The following CUX2 variants were observed in gnomAD, a reference collection of about 807,000 sequenced individuals.
CUX2 encodes cut like homeobox 2.
A neutral mutation model predicts 144.8 loss-of-function variants in CUX2; 40 were observed. The ratio of observed to expected loss-of-function variants is 0.28; its 90% CI spans 0.21 to 0.36. CUX2 has a LOEUF of 0.36. CUX2 is among the 10% of genes least tolerant of loss of function. CUX2 has a pLI of 1.00. For missense variants in CUX2, 1,615 were observed against 1,994.0 expected (o/e 0.81, Z 3.62); for synonymous variants, 827 against 875.6 (o/e 0.94, Z 0.98).
chr12:111,144,942 C>T (rs1003671264), intron 1 of CUX2, among the ~76,000 whole-genome samples: 1 of 152,148 alleles, frequency 6.6e-6, no homozygotes, highest in Admixed American at 6.5e-5. Context: ...CCTGTCCCAC[C>T]GTCTTCCACC....
At chr12:111,215,178 G>C (rs1881463675) in intron 2 of CUX2, among the ~76,000 whole-genome samples, 1 of 152,178 alleles carries the variant, frequency 6.6e-6, no homozygotes, top group Admixed American at 6.5e-5. Context: ...AGGTGTGCTG[G>C]AGGAAGGTGG....
intron 1 of CUX2, among the ~76,000 whole-genome samples, chr12:111,070,387 TC>T (rs1227093664): frequency 1.3e-4 from 13 of 98,520 alleles, no homozygotes; most frequent in African/African-American, 4.7e-4. Flanking sequence ...CTTCCTTCCT[TC>T]CTTCTTTCCT....
At chr12:111,157,759 A>T (rs1877490756) in intron 1 of CUX2, among the ~76,000 whole-genome samples, 1 of 152,222 alleles carries the variant, frequency 6.6e-6, no homozygotes, top group African/African-American at 2.4e-5. Context: ...CTCATAAGTC[A>T]TTCTTAGGTT....
Position 111,347,588 on chromosome 12 carries a change from G to C in CUX2, c.3724G>C (p.Gly1242Arg). The change falls in exon 22 of 22, where the codon GGG becomes CGG. Residue 1242 changes from glycine to arginine, a missense_variant. Physicochemically the swap from Gly to Arg is moderately radical, Grantham distance 125 (BLOSUM62 -2). Around this residue, in one of 12 missense-constraint regions of CUX2, gnomAD observed 298 missense variants for 330.4 expected, o/e 0.90. Transcript: ENST00000261726. ...GGATGAGCCAGACCTTGATCCAAGCGGGGGTCCTGGAATCCTACCGCCAGG... is the reference window on the plus strand; with the variant it reads ...GGATGAGCCAGACCTTGATCCAAGCCGGGGTCCTGGAATCCTACCGCCAGG... Reference protein sequence around the residue: ...TQDEPDLDPSGGPGILPPGHS... With the variant: ...TQDEPDLDPSRGPGILPPGHS... 2 of 1,613,374 alleles carry C rather than the reference G, an allele frequency of 1.2e-6. No homozygotes were observed. Among genetic ancestry groups the C allele is most frequent in the Non-Finnish European group, 1.7e-6 (2 of 1,179,802 alleles).
rs1333519174 is a variant in CUX2 at position 111,308,522 on chromosome 12, C to T, written c.1254C>T (p.Ser418=). ...TGGAGAAGCCCAGCCTCCTGGCCAG[C>T]CCTGGTAGGGGAGGAGGATACTCTG... is the stretch of plus-strand genomic sequence containing the variant. ...FLLEKPSLLA[S]PEEDPSEDDS... The change falls in exon 14 of 22, where the codon AGC becomes AGT. Residue 418 remains serine (S), a synonymous_variant. Coordinates refer to ENST00000261726, the MANE Select transcript of CUX2 (RefSeq NM_015267.4). 1.2e-6 allele frequency: 2 copies of T among 1,609,094 alleles called. No individual in the cohort carries two copies. Among genetic ancestry groups the T allele is most frequent in the Non-Finnish European group, 1.7e-6 (2 of 1,177,742 alleles).
chr12:111,303,677 G>A (rs568697199), intron 9 of CUX2, among the ~76,000 whole-genome samples: 1 of 152,192 alleles, frequency 6.6e-6, no homozygotes, highest in South Asian at 2.1e-4. Context: ...GAGACCCAGG[G>A]AGAGGAAGTG....
rs1456635633 is a variant in CUX2, at chr12:111,312,109, C to T, written c.1910C>T (p.Thr637Ile). The T allele has an allele frequency of 5.0e-6, 8 of 1,610,038 alleles. No homozygotes were observed. Among genetic ancestry groups the T allele is most frequent in the Admixed American group, 3.3e-5 (2 of 59,902 alleles). Residue 637 changes from threonine (T) to isoleucine (I), a missense_variant, in exon 16 of 22, where the codon ACC (threonine) becomes ATC (isoleucine). Transcript: ENST00000261726. The surrounding 1 kb of genome is among the most constrained non-coding windows in gnomAD (Gnocchi z 4.3). ...TIQVRQRGSI[T>I]PRIRTPETGS... The stretch of plus-strand genomic sequence containing the variant: ...CTTCTTGCCTCCCCAGGCAGCATCA[C>T]CCCGAGAATCCGCACGCCTGAGACA...
chr12:111,156,647 C>T (rs1877391617), intron 1 of CUX2, among the ~76,000 whole-genome samples: 1 of 152,090 alleles, frequency 6.6e-6, no homozygotes, highest in South Asian at 2.1e-4. Flanking sequence ...GCCTGGTGAG[C>T]CCAAAGCACA....
At chr12:111,161,104 C>T (rs977137225) in intron 1 of CUX2, among the ~76,000 whole-genome samples, 4 of 152,150 alleles carry the variant, frequency 2.6e-5, no homozygotes, top group African/African-American at 9.7e-5. Context: ...GTCTCCTTGG[C>T]TCAAAGGGCC....
At chr12:111,048,430 G>T (rs1870101483) in intron 1 of CUX2, among the ~76,000 whole-genome samples, 1 of 152,202 alleles carries the variant, frequency 6.6e-6, no homozygotes, top group East Asian at 1.9e-4. Context: ...AACATGCCTG[G>T]TACCCCCAGC....
chr12:111,086,798 G>C (rs1872248096), intron 1 of CUX2, among the ~76,000 whole-genome samples: 3 of 152,128 alleles, frequency 2.0e-5, no homozygotes. Flanking sequence ...TGGGTGCAGT[G>C]GTGCATTCCT....
Position 111,307,236 on chromosome 12 carries a change from A to T in CUX2, c.1088A>T (p.Glu363Val). The change falls in exon 12 of 22, where the codon GAG becomes GTG. Residue 363 changes from glutamate to valine, a missense_variant. Physicochemically the swap from Glu to Val is moderately radical, Grantham distance 121. This residue lies in a region of CUX2 where 2 missense variants were observed against 16.2 expected (regional missense o/e 0.12). Transcript: ENST00000261726. The surrounding 1 kb of genome is among the most constrained non-coding windows in gnomAD (Gnocchi z 4.1). ...EEKLQAQSDYEEIKTELSILK... is the reference protein window; with the variant it reads ...EEKLQAQSDYVEIKTELSILK... ...AAGCTCCAGGCCCAGTCTGACTATGAGGAAATTAAAACGGAGCTGAGGTAC... is the reference window on the plus strand; with the variant it reads ...AAGCTCCAGGCCCAGTCTGACTATGTGGAAATTAAAACGGAGCTGAGGTAC... 1 of 1,614,132 alleles carries T rather than the reference A, an allele frequency of 6.2e-7. No homozygotes were observed. Among genetic ancestry groups the T allele is most frequent in the Non-Finnish European group, 8.5e-7 (1 of 1,180,014 alleles).
At chr12:111,339,967 G>A (rs1888511663) in intron 20 of CUX2, among the ~76,000 whole-genome samples, 1 of 152,206 alleles carries the variant, frequency 6.6e-6, no homozygotes, top group African/African-American at 2.4e-5. Flanking sequence ...AGGCCAAGGT[G>A]GATGGATCAC....
In CUX2 at chr12:111,037,666, T is replaced by G. The variant is rs1158072509; in HGVS notation, c.63+3426T>G. Among the ~76,000 whole-genome samples, 1 of 152,286 alleles carries G rather than the reference T, an allele frequency of 6.6e-6. No homozygotes were observed. The highest frequency in any genetic ancestry group is 1.9e-4 in the East Asian group (1 of 5,206). On this transcript the variant is annotated intron_variant, in intron 1 of 21. Transcript: ENST00000261726. This position sits in a 1 kb window ranked among gnomAD's most constrained non-coding sequence, Gnocchi z 5.4. ...ATGCTAGGCATATTTCATTTGGTTA[T>G]AAGATTGCTTTATGGTGAACATTAC...
At chr12:111,217,553 ACCTAT>A (rs1364457039) in intron 2 of CUX2, among the ~76,000 whole-genome samples, 1 of 152,166 alleles carries the variant, frequency 6.6e-6, no homozygotes, top group Non-Finnish European at 1.5e-5. Flanking sequence ...GGGATGGACC[ACCTAT>A]CTCACAAGAT....
At chr12:111,154,428 G>A (rs114283228) in intron 1 of CUX2, among the ~76,000 whole-genome samples, 181 of 152,244 alleles carry the variant, frequency 1.2e-3, no homozygotes, top group African/African-American at 3.7e-3. Flanking sequence ...CTGGCGCCAC[G>A]ATGTAATCAG....
In CUX2 at chr12:111,057,460, T is replaced by C. The variant is rs1870577224; in HGVS notation, c.63+23220T>C. On this transcript the variant is annotated intron_variant, in intron 1 of 21. Coordinates refer to ENST00000261726, the MANE Select transcript of CUX2 (RefSeq NM_015267.4). This position sits in a 1 kb window ranked among gnomAD's most constrained non-coding sequence, Gnocchi z 5.1. ...GGCCTGCCAGTGACAGGGCCCTAGA[T>C]GCTGACAGCACCACCTTTCCTTGCT... Among the ~76,000 whole-genome samples, 1 of 152,176 alleles carries C rather than the reference T, an allele frequency of 6.6e-6. No homozygotes were observed. Among genetic ancestry groups the C allele is most frequent in the African/African-American group, 2.4e-5 (1 of 41,434 alleles).
At chr12:111,172,962 G>C (rs1283662043) in intron 1 of CUX2, among the ~76,000 whole-genome samples, 1 of 152,194 alleles carries the variant, frequency 6.6e-6, no homozygotes, top group South Asian at 2.1e-4. Flanking sequence ...CAATAAACTC[G>C]GGGCTTAGTT....
At chr12:111,047,394 G>A (rs930205421) in intron 1 of CUX2, among the ~76,000 whole-genome samples, 1 of 152,014 alleles carries the variant, frequency 6.6e-6, no homozygotes, top group African/African-American at 2.4e-5. Context: ...TTCTGTGGCT[G>A]TACCAGCCAC....
Sources: allele counts gnomAD v4.1 joint callset (sites outside exome capture counted in the v4.1 genomes callset), GRCh38; gene constraint gnomAD v4.1.1; regional missense constraint gnomAD v4.1.1; non-coding constraint Gnocchi (gnomAD v3.1); transcripts MANE v1.5; gene names NCBI Gene and HGNC (gene_info 2026-07-23, HGNC 2026-07-21).